RORA: variants seen among roughly 807,000 people sequenced by gnomAD.
RORA encodes RAR related orphan receptor A.
Under a neutral mutation model 69.5 loss-of-function variants are expected in RORA, and 7 were observed. The observed-to-expected ratio is 0.10, with a 90% CI of 0.06 to 0.19. RORA has a LOEUF of 0.19. Ranked by LOEUF, RORA falls within the 10% of genes least tolerant of loss-of-function variation. RORA has a pLI of 1.00. For synonymous variants in RORA, 261 were observed against 240.8 expected (o/e 1.08, Z -0.78); for missense variants, 457 against 663.0 (o/e 0.69, Z 3.41).
At chr15:61,084,842 T>C (rs937479791) in intron 1 of RORA, among the ~76,000 whole-genome samples, 1 of 141,726 alleles carries the variant, frequency 7.1e-6, no homozygotes, top group African/African-American at 2.7e-5. Context: ...TTTTTTTTTT[T>C]CTTTCCTATG....
chr15:61,105,817 C>A (rs1431600059), intron 1 of RORA, among the ~76,000 whole-genome samples: 1 of 152,174 alleles, frequency 6.6e-6, no homozygotes, highest in Non-Finnish European at 1.5e-5. Context: ...AAGGCTACTG[C>A]GGAAGTTAAA....
intron 1 of RORA, among the ~76,000 whole-genome samples, chr15:60,679,886 G>C (rs1322313209): frequency 6.6e-6 from 1 of 151,846 alleles, no homozygotes; most frequent in African/African-American, 2.4e-5. Flanking sequence ...TCTTCTCCCC[G>C]ACCCCGCAAC....
chr15:60,609,179 A>T (rs2069024400), intron 2 of RORA, among the ~76,000 whole-genome samples: 1 of 152,114 alleles, frequency 6.6e-6, no homozygotes, highest in African/African-American at 2.4e-5. Flanking sequence ...TAAGTCTAAA[A>T]CTGACCTCCT....
intron 1 of RORA, among the ~76,000 whole-genome samples, chr15:60,737,785 C>A (rs1312820106): frequency 6.6e-6 from 1 of 152,160 alleles, no homozygotes; most frequent in East Asian, 1.9e-4. Context: ...TTTTCACAGG[C>A]CACTGGGCTC....
chr15:61,166,692 C>T (rs1367224057), intron 1 of RORA, among the ~76,000 whole-genome samples: 2 of 151,958 alleles, frequency 1.3e-5, no homozygotes, highest in Non-Finnish European at 2.9e-5. Context: ...AGGGAGTCTC[C>T]CTCTGTTAGA....
intron 1 of RORA, among the ~76,000 whole-genome samples, chr15:60,863,127 T>A (rs1479661227): frequency 6.6e-6 from 1 of 152,222 alleles, no homozygotes; most frequent in Non-Finnish European, 1.5e-5. Flanking sequence ...ACTCTAGGAA[T>A]ACTGGAATAT....
intron 1 of RORA, among the ~76,000 whole-genome samples, chr15:60,893,185 G>A (rs146868933): frequency 6.6e-6 from 1 of 152,320 alleles, no homozygotes; most frequent in Non-Finnish European, 1.5e-5. Flanking sequence ...AACCAAAGAC[G>A]TGAGAATTCC....
intron 1 of RORA, among the ~76,000 whole-genome samples, chr15:60,864,901 C>T (rs2073470676): frequency 6.6e-6 from 1 of 152,154 alleles, no homozygotes; most frequent in African/African-American, 2.4e-5. Context: ...GTAACACTAC[C>T]ACTGGGATTT....
chr15:60,770,479 T>C (rs2072057235), intron 1 of RORA, among the ~76,000 whole-genome samples: 1 of 152,226 alleles, frequency 6.6e-6, no homozygotes, highest in Admixed American at 6.5e-5. Flanking sequence ...TCATGGTTCA[T>C]ATTAAGCTTA....
At chr15:61,012,364 A>G (rs1237479758) in intron 1 of RORA, among the ~76,000 whole-genome samples, 1 of 152,178 alleles carries the variant, frequency 6.6e-6, no homozygotes, top group East Asian at 1.9e-4. Context: ...TCCCCATCAC[A>G]AGTCTCACAA....
intron 2 of RORA, among the ~76,000 whole-genome samples, chr15:60,616,482 T>C (rs887482054): frequency 1.3e-5 from 2 of 152,202 alleles, no homozygotes; most frequent in South Asian, 4.1e-4. Flanking sequence ...GTATCTGTTG[T>C]GAACCAAAAG....
At chr15:60,809,359 T>G (rs1177494725) in intron 1 of RORA, among the ~76,000 whole-genome samples, 1 of 152,178 alleles carries the variant, frequency 6.6e-6, no homozygotes, top group Non-Finnish European at 1.5e-5. Context: ...TCAAAATTCA[T>G]TTATTTAAAG....
Position 61,004,368 on chromosome 15 carries a change from G to A in RORA, c.166+224685C>T, listed in dbSNP as rs143252083. ...TATAGAATTCTTTATGCTTAAAATG[G>A]AGTCTGAATGTTTTTTTTTTTTTTC... On this transcript the variant is annotated intron_variant, in intron 1 of 10. Transcript: ENST00000335670. Among the ~76,000 whole-genome samples the A allele has an allele frequency of 4.7e-3, 631 of 134,438 alleles. 5 individuals are homozygous for A. Among genetic ancestry groups the A allele is most frequent in the African/African-American group, 0.016 (605 of 37,508 alleles). The allele number at this position is 134,438 out of a possible 152,430, so 88.2% of individuals were successfully genotyped here. A position where few individuals can be genotyped will look rare whatever the true frequency, so the allele number is the denominator to read the frequency against.
intron 2 of RORA, among the ~76,000 whole-genome samples, chr15:60,631,121 C>G (rs578199098): frequency 6.6e-6 from 1 of 152,088 alleles, no homozygotes; most frequent in African/African-American, 2.4e-5. Flanking sequence ...ATCTCCTGAC[C>G]TCAGGTGATC....
intron 1 of RORA, among the ~76,000 whole-genome samples, chr15:61,063,689 G>A (rs573632588): frequency 6.6e-6 from 1 of 152,206 alleles, no homozygotes; most frequent in South Asian, 2.1e-4. Context: ...GAGGAGATTA[G>A]ATGGTTCATG....
At chr15:61,067,511 T>C (rs1280357267) in intron 1 of RORA, among the ~76,000 whole-genome samples, 2 of 152,212 alleles carry the variant, frequency 1.3e-5, no homozygotes, top group African/African-American at 2.4e-5. Flanking sequence ...TTAAATACTT[T>C]TATAAATTTC....
intron 2 of RORA, among the ~76,000 whole-genome samples, chr15:60,623,234 G>C (rs1411794305): frequency 6.6e-6 from 1 of 152,292 alleles, no homozygotes; most frequent in East Asian, 1.9e-4. Context: ...AAAAGATGTT[G>C]CTTGCCTCTC....
At chr15:61,024,234 A>G (rs1895683860) in intron 1 of RORA, among the ~76,000 whole-genome samples, 1 of 147,382 alleles carries the variant, frequency 6.8e-6, no homozygotes, top group Non-Finnish European at 1.5e-5. Flanking sequence ...TACAAGTAGC[A>G]TTCATCCTAG....
chr15:60,944,487 C>T (rs1294648225), intron 1 of RORA, among the ~76,000 whole-genome samples: 3 of 152,136 alleles, frequency 2.0e-5, no homozygotes, highest in South Asian at 2.1e-4. Flanking sequence ...GAGGCTAAGG[C>T]AAGTGGATCA....
Sources: allele counts gnomAD v4.1 joint callset (sites outside exome capture counted in the v4.1 genomes callset), GRCh38; gene constraint gnomAD v4.1.1; transcripts MANE v1.5; gene names NCBI Gene and HGNC (gene_info 2026-07-23, HGNC 2026-07-21).